The following MBP variants were observed in gnomAD, a reference collection of about 807,000 sequenced individuals.
MBP encodes Golli-MBP.
In MBP, 16 loss-of-function variants were observed where a neutral mutation model predicts 35.8. The ratio of observed to expected loss-of-function variants is 0.45; its 90% CI spans 0.30 to 0.68. MBP has a LOEUF of 0.68. Ranked by LOEUF, MBP falls within the 30% of genes least tolerant of loss-of-function variation. MBP has a pLI of 0.08. For missense variants in MBP, 380 were observed against 404.7 expected (o/e 0.94, Z 0.52); for synonymous variants, 143 against 159.6 (o/e 0.90, Z 0.78).
At chr18:76,991,013 T>A (rs1220436096) in intron 4 of MBP, 9 of 205,556 alleles carry the variant, frequency 4.4e-5, no homozygotes, top group Non-Finnish European at 1.1e-5. Context: ...GAGAAAAATA[T>A]TACTTATCCC....
At chr18:77,072,285 G>A (rs1439207380) in intron 2 of MBP, among the ~76,000 whole-genome samples, 1 of 152,126 alleles carries the variant, frequency 6.6e-6, no homozygotes, top group African/African-American at 2.4e-5. Flanking sequence ...GCTACTAAAA[G>A]GCAGATATTT....
chr18:76,979,759 C>G lies in MBP; in HGVS notation c.*668G>C. 1.7e-6 allele frequency: 1 copy of G among 584,656 alleles called. No individual in the cohort carries two copies. The highest frequency in any genetic ancestry group is 3.0e-6 in the Non-Finnish European group (1 of 328,900). The allele number at this position is 584,656 out of a possible 1,614,324, so 36.2% of individuals were successfully genotyped here. ...GCCTCCTTTTCCTCCCTCTGCCACA[C>G]GCGAATTCAGCTAATTGGGGTGTGT... On this transcript the variant is annotated 3_prime_UTR_variant, in exon 9 of 9. Transcript: ENST00000355994.
At chr18:77,027,863 T>A (rs992674349) in intron 3 of MBP, among the ~76,000 whole-genome samples, 10 of 152,112 alleles carry the variant, frequency 6.6e-5, no homozygotes, top group Admixed American at 1.3e-4. Context: ...ATTTTTAATT[T>A]TTTTTTGTAA....
At chr18:77,080,235 T>C (rs1379649355) in intron 2 of MBP, among the ~76,000 whole-genome samples, 1 of 152,238 alleles carries the variant, frequency 6.6e-6, no homozygotes, top group Non-Finnish European at 1.5e-5. Context: ...ACGGAAAGCT[T>C]TTAGGAGCAG....
intron 3 of MBP, among the ~76,000 whole-genome samples, chr18:77,034,051 CA>C (rs398033591): frequency 0.34 from 24,001 of 71,506 alleles, 1,265 homozygotes; most frequent in South Asian, 0.38. Context: ...CCTAATGGGG[CA>C]AAAAAAAAAA....
At chr18:76,991,484 C>T (rs895061406) in intron 4 of MBP, among the ~76,000 whole-genome samples, 5 of 152,278 alleles carry the variant, frequency 3.3e-5, no homozygotes, top group Admixed American at 2.6e-4. Context: ...ATTGTCTGCT[C>T]GGCTCTCAGC....
chr18:77,007,735 T>G (rs1026249591), intron 4 of MBP, among the ~76,000 whole-genome samples: 3 of 152,234 alleles, frequency 2.0e-5, no homozygotes, highest in African/African-American at 7.2e-5. Context: ...CACAAGGAGC[T>G]GAGTCCTGGA....
At chr18:77,072,428 A>G (rs887720464) in intron 2 of MBP, among the ~76,000 whole-genome samples, 30 of 152,232 alleles carry the variant, frequency 2.0e-4, no homozygotes, top group Non-Finnish European at 8.8e-5. Flanking sequence ...CATTATTCGC[A>G]TGACAGCCAA....
At chr18:77,094,802 G>T (rs924124795) in intron 2 of MBP, among the ~76,000 whole-genome samples, 2 of 152,192 alleles carry the variant, frequency 1.3e-5, no homozygotes, top group African/African-American at 4.8e-5. Flanking sequence ...GGAGCCACTC[G>T]CAACTGTGGC....
At chr18:77,091,521 T>C (rs994590125) in intron 2 of MBP, among the ~76,000 whole-genome samples, 1 of 151,902 alleles carries the variant, frequency 6.6e-6, no homozygotes, top group Non-Finnish European at 1.5e-5. Context: ...TAGGGCTGAG[T>C]GCGGGAAGAG....
intron 3 of MBP, among the ~76,000 whole-genome samples, chr18:77,035,787 G>A (rs1287645329): frequency 1.3e-5 from 2 of 152,216 alleles, no homozygotes; most frequent in East Asian, 3.8e-4. Flanking sequence ...TATTGAGGGA[G>A]GGGCCTTTCA....
chr18:77,084,697 T>C (rs1975151813), intron 2 of MBP, among the ~76,000 whole-genome samples: 1 of 152,216 alleles, frequency 6.6e-6, no homozygotes, highest in Non-Finnish European at 1.5e-5. Context: ...CATGGTTTTT[T>C]AGAGTCTTTC....
At chr18:77,019,779 T>C (rs115960161) in intron 3 of MBP, among the ~76,000 whole-genome samples, 1 of 151,652 alleles carries the variant, frequency 6.6e-6, no homozygotes, top group Non-Finnish European at 1.5e-5. Context: ...CTTGGGGAAG[T>C]TGGGGAGGGT....
At chr18:77,121,855 G>A (rs1976893716) in intron 1 of MBP, among the ~76,000 whole-genome samples, 1 of 152,108 alleles carries the variant, frequency 6.6e-6, no homozygotes, top group Non-Finnish European at 1.5e-5. Context: ...TCAGATAGCC[G>A]AAAGAACAGG....
upstream of MBP, chr18:77,132,832 G>C (rs1418468931): frequency 1.3e-5 from 2 of 151,910 alleles, no homozygotes; most frequent in South Asian, 4.1e-4. Context: ...CCCCGGCCCC[G>C]CCTCCCCGGG....
intron 4 of MBP, among the ~76,000 whole-genome samples, chr18:77,011,159 T>G (rs1301035824): frequency 6.6e-6 from 1 of 152,190 alleles, no homozygotes; most frequent in Non-Finnish European, 1.5e-5. Context: ...TCTCCCTGCA[T>G]GAGAGAGGCT....
At chr18:77,008,570 G>A (rs1568284351) in intron 4 of MBP, among the ~76,000 whole-genome samples, 1 of 152,134 alleles carries the variant, frequency 6.6e-6, no homozygotes, top group Non-Finnish European at 1.5e-5. Flanking sequence ...CTTCTCCCCA[G>A]CCGCAGCCGC....
intron 3 of MBP, among the ~76,000 whole-genome samples, chr18:77,060,145 C>A (rs1360343232): frequency 6.6e-6 from 1 of 152,176 alleles, no homozygotes; most frequent in Non-Finnish European, 1.5e-5. Flanking sequence ...ATGGCTGGCC[C>A]CGCCATTTCT....
At chr18:77,080,417 G>C (rs1381863007) in intron 2 of MBP, among the ~76,000 whole-genome samples, 1 of 152,234 alleles carries the variant, frequency 6.6e-6, no homozygotes, top group Non-Finnish European at 1.5e-5. Context: ...CTGGCATCTG[G>C]GGTGGATGAT....
Sources: allele counts gnomAD v4.1 joint callset (sites outside exome capture counted in the v4.1 genomes callset), GRCh38; gene constraint gnomAD v4.1.1; transcripts MANE v1.5; gene names NCBI Gene and HGNC (gene_info 2026-07-23, HGNC 2026-07-21).